The following DIAPH2 variants were observed in gnomAD, a reference collection of about 807,000 sequenced individuals.
The protein encoded by DIAPH2 is protein diaphanous homolog 2.
In DIAPH2, 35 loss-of-function variants were observed where a neutral mutation model predicts 92.7. The ratio of observed to expected loss-of-function variants is 0.38; its 90% CI spans 0.29 to 0.50. The LOEUF (loss-of-function observed/expected upper bound fraction) is 0.50. DIAPH2 is among the 20% of genes least tolerant of loss of function. The pLI, the probability that DIAPH2 is intolerant of heterozygous loss-of-function variation, is 0.94. For synonymous variants in DIAPH2, 301 were observed against 280.4 expected, an observed-to-expected ratio of 1.07 and a Z score of -0.73; for missense variants, 701 against 819.5, an observed-to-expected ratio of 0.86 and a Z score of 1.77.
At chrX:97,492,302 G>A (rs1038861327) in intron 26 of DIAPH2, among the ~76,000 whole-genome samples, 1 of 110,889 alleles carries the variant, frequency 9.0e-6, no homozygotes, top group Non-Finnish European at 1.9e-5. Context: ...AGGCATGGTG[G>A]TGCACAATTA....
chrX:97,507,723 G>A (rs1231002062), intron 26 of DIAPH2, among the ~76,000 whole-genome samples: 3 of 111,669 alleles, frequency 2.7e-5, no homozygotes, highest in Non-Finnish European at 5.6e-5. Flanking sequence ...CATTTGAAAC[G>A]ACAAATCTTT....
At chrX:97,595,922 G>A (rs1048622936) in intron 26 of DIAPH2, among the ~76,000 whole-genome samples, 4 of 112,024 alleles carry the variant, frequency 3.6e-5, no homozygotes, top group Admixed American at 9.4e-5. Flanking sequence ...GTGAGCCACC[G>A]CGCCTGACCC....
intron 25 of DIAPH2, among the ~76,000 whole-genome samples, chrX:97,391,465 A>G (rs1339068120): frequency 8.9e-6 from 1 of 111,949 alleles, no homozygotes; most frequent in Non-Finnish European, 1.9e-5. Flanking sequence ...CGAGGTATGT[A>G]ATATATAGTA....
At chrX:97,285,586 A>G (rs1182614947) in intron 23 of DIAPH2, among the ~76,000 whole-genome samples, 3 of 110,107 alleles carry the variant, frequency 2.7e-5, no homozygotes, top group African/African-American at 9.9e-5. Flanking sequence ...TCAATACACA[A>G]TTGTGTCTCC....
At chrX:97,293,339 G>A (rs1300960156) in intron 23 of DIAPH2, among the ~76,000 whole-genome samples, 5 of 91,572 alleles carry the variant, frequency 5.5e-5, no homozygotes, top group Admixed American at 4.3e-4. Context: ...TGCAACCTCC[G>A]CCTCCCAGGT....
intron 4 of DIAPH2, among the ~76,000 whole-genome samples, chrX:96,794,998 G>C (rs982728559): frequency 9.0e-6 from 1 of 111,586 alleles, no homozygotes; most frequent in Non-Finnish European, 1.9e-5. Flanking sequence ...AAGTTTATTT[G>C]TCATTGGATT....
intron 17 of DIAPH2, among the ~76,000 whole-genome samples, chrX:97,054,936 A>G (rs1307013898): frequency 9.0e-6 from 1 of 111,386 alleles, no homozygotes; most frequent in African/African-American, 3.3e-5. Flanking sequence ...TATACACCCT[A>G]ATACATTGTT....
intron 26 of DIAPH2, among the ~76,000 whole-genome samples, chrX:97,593,478 T>TA (rs1167892523): frequency 2.4e-3 from 244 of 100,988 alleles, no homozygotes; most frequent in Admixed American, 5.7e-3. Flanking sequence ...TAGTTACATG[T>TA]AAAAAAAAAA....
At chrX:97,357,070 C>T (rs1251166832) in intron 24 of DIAPH2, among the ~76,000 whole-genome samples, 3 of 111,535 alleles carry the variant, frequency 2.7e-5, no homozygotes, top group African/African-American at 9.8e-5. Context: ...CCAGCAACAA[C>T]GCCTCATGCA....
At chrX:97,371,805 T>C (rs780239042) in intron 24 of DIAPH2, among the ~76,000 whole-genome samples, 22 of 111,949 alleles carry the variant, frequency 2.0e-4, no homozygotes, top group Admixed American at 5.7e-4. Context: ...ACATACCACT[T>C]GTTTTGTCAT....
Position 96,917,898 on chromosome X carries a change from A to T in DIAPH2, c.870-611A>T, listed in dbSNP as rs781309904. ...ATGCTCCAATAAACTGTTAACAATTATAGGTGTCATATTATGTTTAAGTGA... is the reference window on the plus strand; with the variant it reads ...ATGCTCCAATAAACTGTTAACAATTTTAGGTGTCATATTATGTTTAAGTGA... On this transcript the variant is annotated intron_variant, in intron 8 of 26. Coordinates refer to ENST00000324765, the MANE Select transcript of DIAPH2 (RefSeq NM_006729.5). Among the ~76,000 whole-genome samples, 17 of 111,724 alleles carry T rather than the reference A, an allele frequency of 1.5e-4. No individual in the cohort carries two copies. In the South Asian group the frequency reaches 3.7e-3, roughly 24 times the overall value.
intron 23 of DIAPH2, among the ~76,000 whole-genome samples, chrX:97,336,284 A>G (rs1226864923): frequency 1.1e-5 from 1 of 91,670 alleles, no homozygotes; most frequent in African/African-American, 4.3e-5. Context: ...TCGCTCTGTC[A>G]CCCAGGCTGG....
At chrX:96,945,150 G>C (rs2065730241) in intron 13 of DIAPH2, among the ~76,000 whole-genome samples, 1 of 110,709 alleles carries the variant, frequency 9.0e-6, no homozygotes, top group Admixed American at 9.6e-5. Context: ...TTTGAATCTT[G>C]CTAAGACTAT....
intron 5 of DIAPH2, among the ~76,000 whole-genome samples, chrX:96,908,309 A>T (rs1180293632): frequency 9.0e-6 from 1 of 111,165 alleles, no homozygotes; most frequent in Non-Finnish European, 1.9e-5. Flanking sequence ...TATTAAGAGT[A>T]ATTTTCCTCC....
chrX:97,343,043 C>T (rs1043102212), intron 23 of DIAPH2, among the ~76,000 whole-genome samples: 7 of 111,644 alleles, frequency 6.3e-5, no homozygotes, highest in African/African-American at 2.3e-4. Flanking sequence ...GGATGGGTAG[C>T]GGACAAATCA....
At chrX:97,022,074 G>A (rs1177533208) in intron 17 of DIAPH2, among the ~76,000 whole-genome samples, 1 of 111,955 alleles carries the variant, frequency 8.9e-6, no homozygotes, top group Non-Finnish European at 1.9e-5. Context: ...CTGATAGAGA[G>A]TAGGATCTAT....
intron 26 of DIAPH2, among the ~76,000 whole-genome samples, chrX:97,590,448 A>G (rs755992001): frequency 1.8e-5 from 2 of 112,630 alleles, no homozygotes; most frequent in East Asian, 2.8e-4. Context: ...CTAAGTCAGC[A>G]TATCAGCAAC....
intron 4 of DIAPH2, among the ~76,000 whole-genome samples, chrX:96,773,028 T>C (rs769594796): frequency 8.9e-6 from 1 of 112,145 alleles, no homozygotes; most frequent in East Asian, 2.8e-4. Flanking sequence ...ATTCTATGTG[T>C]TTATATATGT....
intron 5 of DIAPH2, among the ~76,000 whole-genome samples, chrX:96,910,464 T>A (rs1216467206): frequency 9.0e-6 from 1 of 111,683 alleles, no homozygotes; most frequent in Non-Finnish European, 1.9e-5. Context: ...GATATTCCCT[T>A]AAAAATTTAG....
Sources: gnomAD v4.1 joint callset for allele counts (sites outside exome capture counted in the v4.1 genomes callset) on GRCh38, gnomAD v4.1.1 for gene constraint, MANE v1.5 for transcripts, NCBI Gene and HGNC (gene_info 2026-07-23, HGNC 2026-07-21) for gene names.